The following BICDL1 variants were observed in gnomAD, a reference collection of about 807,000 sequenced individuals.
The protein encoded by BICDL1 is BICD family like cargo adaptor 1.
In BICDL1, 20 loss-of-function variants were observed where a neutral mutation model predicts 76.8. The ratio of observed to expected loss-of-function variants is 0.26; its 90% CI spans 0.18 to 0.38. The LOEUF (loss-of-function observed/expected upper bound fraction) is 0.38. Among genes scored for constraint, BICDL1 ranks in the 10% least tolerant of loss-of-function variants. The pLI, the probability that BICDL1 is intolerant of heterozygous loss-of-function variation, is 1.00. For missense variants in BICDL1, 700 were observed against 798.6 expected (o/e 0.88, Z 1.49); for synonymous variants, 383 against 337.1 (o/e 1.14, Z -1.49).
In BICDL1 at chr12:119,989,609, A is replaced by C. The variant is rs1050239503; in HGVS notation, c.-260A>C. Among the ~76,000 whole-genome samples, 2 of 142,812 alleles carry C rather than the reference A, an allele frequency of 1.4e-5. No individual in the cohort carries two copies. The highest frequency in any genetic ancestry group is 2.6e-5 in the African/African-American group (1 of 38,730). 93.7% of individuals were successfully genotyped at this position (142,812 alleles called of 152,430 possible). A position where few individuals can be genotyped will look rare whatever the true frequency, so the allele number is the denominator to read the frequency against. ...CCCAGCCTTCCCGTTCCCACCACCT[A>C]CTCCGCCACTACCCCCACCCCCTCC... is the stretch of plus-strand genomic sequence containing the variant. On this transcript the variant is annotated 5_prime_UTR_variant, in exon 1 of 10. Transcript: ENST00000548673.
chr12:120,004,141 C>G (rs889347232), intron 2 of BICDL1, among the ~76,000 whole-genome samples: 1 of 152,154 alleles, frequency 6.6e-6, no homozygotes, highest in Non-Finnish European at 1.5e-5. Context: ...GAGTAAAACT[C>G]GAGAATTCAC....
chr12:120,091,624 A>G lies in BICDL1; in HGVS notation c.1705-1376A>G, dbSNP rs1293516325. ...GACAAGGGCAAGGAGAAGACCAGGA[A>G]TGAGCTGAGTCTGAAAGACAGGGTT... On this transcript the variant is annotated intron_variant, in intron 9 of 9. Coordinates refer to ENST00000548673, the MANE Select transcript of BICDL1 (RefSeq NM_001367886.1). The G allele has an allele frequency of 6.1e-6, 6 of 985,062 alleles. No homozygotes were observed. The East Asian group carries it at 6.8e-4, about 112-fold the overall frequency. The allele number at this position is 985,062 out of a possible 1,614,324, so 61.0% of individuals were successfully genotyped here.
chr12:120,003,045 C>T (rs1334903214), intron 2 of BICDL1, among the ~76,000 whole-genome samples: 2 of 151,950 alleles, frequency 1.3e-5, no homozygotes, highest in African/African-American at 4.8e-5. Flanking sequence ...TAATCTCCAG[C>T]TACCGGGGAG....
At chr12:119,999,892 G>A (rs568784819) in intron 2 of BICDL1, 166 of 357,590 alleles carry the variant, frequency 4.6e-4, no homozygotes, top group Non-Finnish European at 8.3e-4. Context: ...GTTCTCATGG[G>A]AGCAGTGCCG....
chr12:120,027,596 A>G (rs1952334230), intron 2 of BICDL1, among the ~76,000 whole-genome samples: 1 of 152,154 alleles, frequency 6.6e-6, no homozygotes, highest in South Asian at 2.1e-4. Context: ...GTCCTGCGCA[A>G]ACTCATACTG....
chr12:120,084,015 T>C (rs1874202618), intron 8 of BICDL1, among the ~76,000 whole-genome samples: 1 of 152,006 alleles, frequency 6.6e-6, no homozygotes, highest in Admixed American at 6.6e-5. Context: ...TTTTTTTTCT[T>C]TTCTTTGAGA....
chr12:119,994,991 A>T (rs1442066671), intron 1 of BICDL1, among the ~76,000 whole-genome samples: 1 of 152,178 alleles, frequency 6.6e-6, no homozygotes, highest in Non-Finnish European at 1.5e-5. Flanking sequence ...CATTTATCTA[A>T]TACCTTTTTC....
At chr12:120,048,897 T>C (rs1447646663) in intron 2 of BICDL1, among the ~76,000 whole-genome samples, 1 of 152,214 alleles carries the variant, frequency 6.6e-6, no homozygotes, top group East Asian at 1.9e-4. Flanking sequence ...ATTCTGTAGT[T>C]ACCTACTGTA....
chr12:120,031,576 T>C (rs933983251), intron 2 of BICDL1, among the ~76,000 whole-genome samples: 9 of 152,318 alleles, frequency 5.9e-5, no homozygotes, highest in African/African-American at 1.9e-4. Context: ...GTTGAAGATA[T>C]CAGTATACTT....
At chr12:119,997,418 A>G (rs762633483) in intron 1 of BICDL1, among the ~76,000 whole-genome samples, 9 of 152,194 alleles carry the variant, frequency 5.9e-5, no homozygotes, top group East Asian at 5.8e-4. Context: ...TGTTTTGCTC[A>G]TTAGAACGTC....
At chr12:120,090,682 C>G in intron 9 of BICDL1, 1 of 364,270 alleles carries the variant, frequency 2.7e-6, no homozygotes, top group Non-Finnish European at 5.3e-6. Flanking sequence ...ATATTTCTCC[C>G]CAAGAATTCT....
At chr12:120,044,996 C>T (rs894374680) in intron 2 of BICDL1, among the ~76,000 whole-genome samples, 2 of 151,954 alleles carry the variant, frequency 1.3e-5, no homozygotes, top group African/African-American at 4.8e-5. Flanking sequence ...ACCTACAAAA[C>T]GAGAGAAAAT....
chr12:120,067,514 A>G (rs1048506325), intron 4 of BICDL1, among the ~76,000 whole-genome samples: 15 of 152,202 alleles, frequency 9.9e-5, no homozygotes, highest in African/African-American at 3.1e-4. Flanking sequence ...GATGTTTCTT[A>G]TTTTAAAGGG....
intron 2 of BICDL1, among the ~76,000 whole-genome samples, chr12:120,017,318 A>T (rs1048022967): frequency 2.0e-5 from 3 of 152,252 alleles, no homozygotes; most frequent in African/African-American, 7.2e-5. Flanking sequence ...GTATAGAGGC[A>T]GTGCTCTTAA....
At chr12:120,042,244 T>C (rs1952656860) in intron 2 of BICDL1, among the ~76,000 whole-genome samples, 1 of 152,170 alleles carries the variant, frequency 6.6e-6, no homozygotes, top group Admixed American at 6.5e-5. Flanking sequence ...CTCATACTCA[T>C]AATAGTCCTC....
chr12:120,022,924 C>T (rs1477661124), intron 2 of BICDL1, among the ~76,000 whole-genome samples: 1 of 152,100 alleles, frequency 6.6e-6, no homozygotes, highest in Non-Finnish European at 1.5e-5. Flanking sequence ...AGAGAGAACC[C>T]CAGAGGTCTG....
rs1197302258 is a variant in BICDL1 at position 120,091,577 on chromosome 12, G to A, written c.1705-1423G>A. ...CAGCTCTGAGGGGCAAGTGGAAAAG[G>A]GGATGGAAGAGAAGGGAAGAAGACA... On this transcript the variant is annotated intron_variant, in intron 9 of 9. Transcript: ENST00000548673. 6 of 984,846 alleles carry A rather than the reference G, an allele frequency of 6.1e-6. No homozygotes were observed. The Admixed American group carries it at 1.9e-4, about 30-fold the overall frequency. The allele number at this position is 984,846 out of a possible 1,614,324, so 61.0% of individuals were successfully genotyped here. A position where few individuals can be genotyped will look rare whatever the true frequency, so the allele number is the denominator to read the frequency against.
chr12:120,026,460 T>C (rs1395617551), intron 2 of BICDL1, among the ~76,000 whole-genome samples: 2 of 152,230 alleles, frequency 1.3e-5, no homozygotes, highest in Admixed American at 6.5e-5. Context: ...TATTGTCATT[T>C]AGAGCAGTGG....
rs1951482922 is a variant in BICDL1, at chr12:119,990,069, G to A, written c.201G>A (p.Glu67=). Residue 67 remains glutamate (E), a synonymous_variant, in exon 1 of 10, where the codon GAG becomes GAA. Coordinates refer to ENST00000548673, the MANE Select transcript of BICDL1 (RefSeq NM_001367886.1). ...EEELALLAAG[E]RPSDPGEHPQ... ...AGCTGGCGCTGCTGGCGGCCGGGGA[G>A]CGGCCGTCCGACCCCGGGGAACACC... 1.3e-6 allele frequency: 2 copies of A among 1,536,584 alleles called. No homozygotes were observed. Among genetic ancestry groups the A allele is most frequent in the South Asian group, 2.4e-5 (2 of 83,216 alleles).
Sources: allele counts gnomAD v4.1 joint callset (sites outside exome capture counted in the v4.1 genomes callset), GRCh38; gene constraint gnomAD v4.1.1; transcripts MANE v1.5; gene names NCBI Gene and HGNC (gene_info 2026-07-23, HGNC 2026-07-21).